The following ARHGEF4 variants were observed in gnomAD, a reference collection of about 807,000 sequenced individuals.
ARHGEF4 encodes the protein Rho guanine nucleotide exchange factor 4, also known as APC-stimulated guanine nucleotide exchange factor 1.
A neutral mutation model predicts 162.0 loss-of-function variants in ARHGEF4; 119 were observed. The observed-to-expected ratio is 0.73, with a 90% CI of 0.63 to 0.86. The LOEUF (loss-of-function observed/expected upper bound fraction) is 0.86. Ranked by LOEUF, ARHGEF4 falls within the 40% of genes least tolerant of loss-of-function variation. The pLI is 0.00. For synonymous variants in ARHGEF4, 1,014 were observed against 979.9 expected, an observed-to-expected ratio of 1.03 and a Z score of -0.65; for missense variants, 2,488 against 2,456.0, an observed-to-expected ratio of 1.01 and a Z score of -0.28.
intron 4 of ARHGEF4, among the ~76,000 whole-genome samples, chr2:131,023,074 C>CAAAAAAA (rs56868632): frequency 0.55 from 36,550 of 66,202 alleles, 14,313 homozygotes; most frequent in Non-Finnish European, 0.68. Flanking sequence ...AACCCTGTCT[C>CAAAAAAA]AAAAAAAAAA....
chr2:130,879,240 T>A (rs1040236226), intron 1 of ARHGEF4, among the ~76,000 whole-genome samples: 11 of 152,260 alleles, frequency 7.2e-5, no homozygotes, highest in African/African-American at 2.2e-4. Context: ...CAGATCTTTT[T>A]AATTATGTAT....
Position 131,040,635 on chromosome 2 carries a change from C to G in ARHGEF4, c.4662+195C>G, listed in dbSNP as rs1453252852. On this transcript the variant is annotated intron_variant, in intron 8 of 13. Coordinates refer to ENST00000409359, the MANE Select transcript of ARHGEF4 (RefSeq NM_001367493.1). ...GGTCTCTGCTTCTGTGTGGCGAAACCAAGTCAGGGAACGCTCCTGGGAGCA... is the reference window on the plus strand; with the variant it reads ...GGTCTCTGCTTCTGTGTGGCGAAACGAAGTCAGGGAACGCTCCTGGGAGCA... Among the ~76,000 whole-genome samples the G allele has an allele frequency of 2.0e-5, 3 of 152,182 alleles. No individual in the cohort carries two copies. In the East Asian group the frequency reaches 5.8e-4, roughly 29 times the overall value.
chr2:130,897,644 C>T (rs151042025), intron 1 of ARHGEF4, among the ~76,000 whole-genome samples: 35 of 152,260 alleles, frequency 2.3e-4, no homozygotes, highest in South Asian at 1.7e-3. Context: ...CACTACTTGC[C>T]GGCATTTTAC....
At chr2:130,920,550 C>G (rs555442280) in intron 2 of ARHGEF4, among the ~76,000 whole-genome samples, 2 of 152,264 alleles carry the variant, frequency 1.3e-5, no homozygotes, top group Non-Finnish European at 2.9e-5. Context: ...CAGAAAGGTT[C>G]CCTCTGTCTG....
chr2:131,032,254 G>C (rs1362732792), intron 5 of ARHGEF4, among the ~76,000 whole-genome samples: 1 of 151,558 alleles, frequency 6.6e-6, no homozygotes. Context: ...GATGTCCCCA[G>C]GGCAGGGTCA....
intron 1 of ARHGEF4, among the ~76,000 whole-genome samples, chr2:130,853,138 A>AC (rs1170571007): frequency 6.6e-6 from 1 of 152,074 alleles, no homozygotes; most frequent in East Asian, 1.9e-4. Flanking sequence ...ACCATGAGGG[A>AC]CCCCGGAATC....
chr2:130,945,987 G>A (rs1242177995), intron 3 of ARHGEF4, among the ~76,000 whole-genome samples: 1 of 152,168 alleles, frequency 6.6e-6, no homozygotes. Flanking sequence ...AAAAAATCAA[G>A]AGGGGCCAGG....
At chr2:130,913,907 G>A in intron 1 of ARHGEF4, 79 bp from the exon 2 acceptor site, 2 of 1,494,956 alleles carry the variant, frequency 1.3e-6, no homozygotes, top group Non-Finnish European at 8.9e-7. Context: ...CCTCCTTCTG[G>A]CAAAGGCAGG....
intron 3 of ARHGEF4, among the ~76,000 whole-genome samples, chr2:130,943,789 A>G (rs1683445206): frequency 6.6e-6 from 1 of 152,216 alleles, no homozygotes; most frequent in Non-Finnish European, 1.5e-5. Context: ...TGCATTAGAT[A>G]ATATTATAAT....
intron 1 of ARHGEF4, among the ~76,000 whole-genome samples, chr2:130,843,391 G>A (rs1220988949): frequency 2.0e-5 from 3 of 152,234 alleles, no homozygotes; most frequent in East Asian, 3.9e-4. Context: ...GAACCCTACA[G>A]AGGCTGGTCT....
intron 2 of ARHGEF4, among the ~76,000 whole-genome samples, chr2:130,926,016 CTT>C (rs1473482985): frequency 1.1e-5 from 1 of 92,046 alleles, no homozygotes; most frequent in African/African-American, 7.2e-5. Context: ...GGTTTTCTCT[CTT>C]TCTTTCTTTC....
chr2:130,958,697 A>C (rs752293389), intron 4 of ARHGEF4, among the ~76,000 whole-genome samples: 2 of 151,990 alleles, frequency 1.3e-5, no homozygotes, highest in Admixed American at 6.6e-5. Context: ...GGCATGAGGC[A>C]CCACTCCCGG....
chr2:130,992,596 A>G (rs1471214203), intron 4 of ARHGEF4, among the ~76,000 whole-genome samples: 1 of 151,984 alleles, frequency 6.6e-6, no homozygotes, highest in East Asian at 1.9e-4. Context: ...ATCAGAAGGA[A>G]CAAACTCCAG....
At chr2:130,868,974 G>A (rs947541446) in intron 1 of ARHGEF4, among the ~76,000 whole-genome samples, 3 of 152,160 alleles carry the variant, frequency 2.0e-5, no homozygotes, top group Non-Finnish European at 4.4e-5. Context: ...TGATCATATC[G>A]GGACCACCTG....
intron 11 of ARHGEF4, 107 bp downstream of exon 11, chr2:131,043,690 C>T (rs1353039995): frequency 1.2e-5 from 18 of 1,534,290 alleles, no homozygotes; most frequent in East Asian, 1.1e-4. Flanking sequence ...AGACCATACC[C>T]GGGGAGCCTG....
intron 4 of ARHGEF4, among the ~76,000 whole-genome samples, chr2:131,024,228 A>G (rs2105360552): frequency 6.6e-6 from 1 of 152,332 alleles, no homozygotes; most frequent in African/African-American, 2.4e-5. Context: ...CTGTGACTCT[A>G]CAGTCATTTC....
intron 1 of ARHGEF4, among the ~76,000 whole-genome samples, chr2:130,913,621 G>A (rs1186597775): frequency 4.6e-5 from 7 of 151,972 alleles, no homozygotes; most frequent in Admixed American, 2.0e-4. Context: ...AACAAACAAC[G>A]CAAACATATT....
At chr2:131,013,762 G>A (rs750805151) in intron 4 of ARHGEF4, among the ~76,000 whole-genome samples, 7 of 152,124 alleles carry the variant, frequency 4.6e-5, no homozygotes, top group Admixed American at 1.3e-4. Flanking sequence ...CGCCACACCC[G>A]GCTAATTTTT....
intron 4 of ARHGEF4, among the ~76,000 whole-genome samples, chr2:131,024,902 A>T (rs1161094591): frequency 1.3e-5 from 2 of 152,206 alleles, no homozygotes; most frequent in African/African-American, 4.8e-5. Context: ...AACTTTCCAT[A>T]ATAGAAGTTT....
Sources: gnomAD v4.1 joint callset for allele counts (sites outside exome capture counted in the v4.1 genomes callset) on GRCh38, gnomAD v4.1.1 for gene constraint, MANE v1.5 for transcripts, NCBI Gene and HGNC (gene_info 2026-07-23, HGNC 2026-07-21) for gene names.